IGF2R: variants seen among roughly 807,000 people sequenced by gnomAD.
IGF2R encodes the protein cation-independent mannose-6-phosphate receptor.
Under a neutral mutation model 270.6 loss-of-function variants are expected in IGF2R, and 91 were observed. The ratio of observed to expected loss-of-function variants is 0.34; its 90% CI spans 0.28 to 0.40. The LOEUF (loss-of-function observed/expected upper bound fraction) is 0.40, where lower values mean the gene tolerates loss of function less well. Among genes scored for constraint, IGF2R ranks in the 10% least tolerant of loss-of-function variants. The pLI is 1.00. For synonymous variants in IGF2R, 1,316 were observed against 1,258.9 expected (o/e 1.05, Z -0.96); for missense variants, 2,805 against 3,188.3 (o/e 0.88, Z 2.90).
rs550357246 is a variant in IGF2R, at chr6:160,053,497, A to C, written c.2694+2845A>C. ...GTGAGTGGGATTGATGTTGGCCCTGAGTTCCTTAGCCAGGGGACAACAGCA... is the reference window on the plus strand; with the variant it reads ...GTGAGTGGGATTGATGTTGGCCCTGCGTTCCTTAGCCAGGGGACAACAGCA... On this transcript the variant is annotated intron_variant, in intron 19 of 47. Coordinates refer to ENST00000356956, the MANE Select transcript of IGF2R (RefSeq NM_000876.4). Among the ~76,000 whole-genome samples, 175 of 152,294 alleles carry C rather than the reference A, an allele frequency of 1.1e-3. 1 individual carries two copies. The highest frequency in any genetic ancestry group is 4.1e-3 in the African/African-American group (172 of 41,566).
intron 1 of IGF2R, among the ~76,000 whole-genome samples, chr6:159,977,740 C>A (rs1003255249): frequency 6.6e-6 from 1 of 152,210 alleles, no homozygotes; most frequent in Non-Finnish European, 1.5e-5. Flanking sequence ...CCCTCACAGG[C>A]CTTGGGCAAG....
chr6:160,080,054 C>A, intron 38 of IGF2R, 75 bp from the exon 39 acceptor site: 1 of 1,528,142 alleles, frequency 6.5e-7, no homozygotes, highest in Non-Finnish European at 9.0e-7. Context: ...TCCTTAGGGA[C>A]TGCTGCTGCA....
chr6:159,977,475 A>C (rs1253642986), intron 1 of IGF2R, among the ~76,000 whole-genome samples: 2 of 144,408 alleles, frequency 1.4e-5, no homozygotes, highest in African/African-American at 5.3e-5. Flanking sequence ...CCACCCTCCC[A>C]ATGTCACCCC....
intron 15 of IGF2R, 130 bp from the exon 16 acceptor site, chr6:160,047,029 C>T: frequency 1.3e-6 from 1 of 792,080 alleles, no homozygotes; most frequent in South Asian, 1.6e-5. Context: ...GTGTGGGTTC[C>T]TGTGGTCTGC....
intron 36 of IGF2R, 98 bp downstream of exon 36, chr6:160,076,094 A>C: frequency 8.5e-7 from 1 of 1,172,120 alleles, no homozygotes; most frequent in Non-Finnish European, 1.2e-6. Flanking sequence ...GGATACTCTT[A>C]TTCAAAATGT....
chr6:160,098,220 G>A (rs575938281), intron 45 of IGF2R, among the ~76,000 whole-genome samples: 5 of 152,106 alleles, frequency 3.3e-5, no homozygotes, highest in East Asian at 1.9e-4. Flanking sequence ...TTTAGAGTTC[G>A]ACTTCTGTGA....
At chr6:160,061,958 G>T in intron 25 of IGF2R, 30 bp downstream of exon 25, 2 of 1,597,632 alleles carry the variant, frequency 1.3e-6, no homozygotes, top group South Asian at 1.1e-5. Flanking sequence ...ATGAGATGTT[G>T]TCCCCGGGTG....
intron 26 of IGF2R, 104 bp downstream of exon 26, chr6:160,062,723 G>C (rs1371501151): frequency 1.3e-6 from 1 of 773,378 alleles, no homozygotes; most frequent in East Asian, 2.8e-5. Context: ...CCATAGCTGG[G>C]GTCATGAGAC....
rs144295557 is a variant in IGF2R, at chr6:160,090,009, G to C, written c.6561G>C (p.Ala2187=). The change falls in exon 44 of 48, where the codon GCG becomes GCC. Residue 2187 remains alanine (A), a synonymous_variant. Coordinates refer to ENST00000356956, the MANE Select transcript of IGF2R (RefSeq NM_000876.4). The stretch of plus-strand genomic sequence containing the variant: ...CCATCACAAGCTCCAGAAACCCGGC[G>C]TGCTCTGGAGCCAACATATGCCAGG... ...LSSITSSRNP[A]CSGANICQVK... The C allele has an allele frequency of 1.2e-6, 2 of 1,606,126 alleles. No homozygotes were observed. Among genetic ancestry groups the C allele is most frequent in the Admixed American group, 3.4e-5 (2 of 58,616 alleles).
At chr6:159,991,390 G>C in intron 2 of IGF2R, 67 bp downstream of exon 2, 2 of 1,428,494 alleles carry the variant, frequency 1.4e-6, no homozygotes, top group South Asian at 2.4e-5. Flanking sequence ...AAATGACTGT[G>C]TATAGCTATA....
At chr6:159,976,732 A>C (rs1212033359) in intron 1 of IGF2R, among the ~76,000 whole-genome samples, 1 of 151,834 alleles carries the variant, frequency 6.6e-6, no homozygotes. Context: ...GACCCACTAA[A>C]TTTTTAGATT....
chr6:160,061,974 A>G lies in IGF2R; in HGVS notation c.3582+46A>G, dbSNP rs74895070. 2,371 of 1,549,426 alleles carry G rather than the reference A, an allele frequency of 1.5e-3. 19 individuals are homozygous for G. The African/African-American group carries it at 0.027, about 17-fold the overall frequency. ...TGAGATGTTGTCCCCGGGTGACTCC[A>G]TTTCCCATTTCCCTTGAACCTCTGA... is the stretch of plus-strand genomic sequence containing the variant. On this transcript the variant is annotated intron_variant, in intron 25 of 47. Coordinates refer to ENST00000356956, the MANE Select transcript of IGF2R (RefSeq NM_000876.4).
chr6:160,080,603 C>A (rs184871980), intron 39 of IGF2R, among the ~76,000 whole-genome samples: 126 of 152,256 alleles, frequency 8.3e-4, no homozygotes, highest in African/African-American at 2.9e-3. Flanking sequence ...AAATGAATGT[C>A]TGCTATGGGT....
chr6:160,050,308 G>A lies in IGF2R; in HGVS notation c.2515-165G>A, dbSNP rs1029330106. On this transcript the variant is annotated intron_variant, in intron 18 of 47. Transcript: ENST00000356956. The surrounding 1 kb of genome is among the most constrained non-coding windows in gnomAD (Gnocchi z 4.0). The stretch of plus-strand genomic sequence containing the variant: ...CATGCAGTTGTTGTTAACTCTTTGA[G>A]GATGGTTTCCTATTCCATATGTAAT... Among the ~76,000 whole-genome samples the A allele has an allele frequency of 6.6e-6, 1 of 152,172 alleles. No homozygotes were observed. The highest frequency in any genetic ancestry group is 2.4e-5 in the African/African-American group (1 of 41,426).
At chr6:160,033,432 G>A (rs1433538893) in intron 9 of IGF2R, among the ~76,000 whole-genome samples, 1 of 152,220 alleles carries the variant, frequency 6.6e-6, no homozygotes, top group Non-Finnish European at 1.5e-5. Flanking sequence ...CTTGGGACTG[G>A]CCTGCATAAT....
Position 160,029,578 on chromosome 6 carries a change from G to T in IGF2R, c.805G>T (p.Ala269Ser), listed in dbSNP as rs752895477. 1.9e-6 allele frequency: 3 copies of T among 1,613,836 alleles called. No individual in the cohort carries two copies. The highest frequency in any genetic ancestry group is 2.5e-6 in the Non-Finnish European group (3 of 1,179,826). Residue 269 changes from alanine to serine, a missense_variant, in exon 7 of 48, where the codon GCA becomes TCA. By Grantham distance (99) the Ala-to-Ser change is moderately conservative. This residue lies in a region of IGF2R where 954 missense variants were observed against 981.1 expected (regional missense o/e 0.97). Coordinates refer to ENST00000356956, the MANE Select transcript of IGF2R (RefSeq NM_000876.4). ...RLVLSYVREE[A>S]GKLDFCDGHS... ...TGTCCTGAGTTACGTGAGGGAAGAG[G>T]CAGGAAAGCTAGACTTTTGTGATGG...
chr6:160,103,179 G>A (rs1218336078), intron 46 of IGF2R, among the ~76,000 whole-genome samples: 2 of 152,094 alleles, frequency 1.3e-5, no homozygotes, highest in East Asian at 1.9e-4. Context: ...CAGCTCAGGC[G>A]TTCCCTGCTG....
At chr6:160,047,444 C>T (rs2115248531) in intron 16 of IGF2R, 108 bp downstream of exon 16, 1 of 966,616 alleles carries the variant, frequency 1.0e-6, no homozygotes, top group East Asian at 2.6e-5. Flanking sequence ...CAAATCATCA[C>T]CGTCATTAGA....
At chr6:160,046,360 C>T (rs762455255) in intron 14 of IGF2R, 138 bp from the exon 15 acceptor site, 2 of 757,262 alleles carry the variant, frequency 2.6e-6, no homozygotes, top group Non-Finnish European at 4.1e-6. Flanking sequence ...GGGGCAGCGT[C>T]TCTTCTGCCT....
Sources: gnomAD v4.1 joint callset for allele counts (sites outside exome capture counted in the v4.1 genomes callset) on GRCh38, gnomAD v4.1.1 for gene constraint, gnomAD v4.1.1 regional missense constraint, Gnocchi (gnomAD v3.1) non-coding constraint, MANE v1.5 for transcripts, NCBI Gene and HGNC (gene_info 2026-07-23, HGNC 2026-07-21) for gene names.